The following XKR6 variants were observed in gnomAD, a reference collection of about 807,000 sequenced individuals.
The protein encoded by XKR6 is XK related 6.
In XKR6, 22 loss-of-function variants were observed where a neutral mutation model predicts 56.7. The ratio of observed to expected loss-of-function variants is 0.39; its 90% CI spans 0.28 to 0.55. XKR6 has a LOEUF of 0.55. Ranked by LOEUF, XKR6 falls within the 20% of genes least tolerant of loss-of-function variation. XKR6 has a pLI of 0.66. For synonymous variants in XKR6, 524 were observed against 387.8 expected (o/e 1.35, Z -4.13); for missense variants, 852 against 889.0 (o/e 0.96, Z 0.53).
chr8:10,916,410 A>G (rs1037006833), intron 2 of XKR6, among the ~76,000 whole-genome samples: 1 of 152,214 alleles, frequency 6.6e-6, no homozygotes, highest in Non-Finnish European at 1.5e-5. Flanking sequence ...CTTGATTTAG[A>G]GACGGTGACA....
At chr8:11,195,125 G>A (rs1248037113) in intron 1 of XKR6, 3 of 703,130 alleles carry the variant, frequency 4.3e-6, no homozygotes, top group Non-Finnish European at 7.8e-6. Flanking sequence ...GGATTTTTCA[G>A]ATGGGAGGAG....
chr8:10,960,462 G>C (rs999768159), intron 1 of XKR6, among the ~76,000 whole-genome samples: 11 of 152,222 alleles, frequency 7.2e-5, no homozygotes, highest in Non-Finnish European at 1.5e-5. Flanking sequence ...TAAAGTAAGA[G>C]AGACGGAAGC....
At chr8:10,966,565 A>T (rs1357652865) in intron 1 of XKR6, among the ~76,000 whole-genome samples, 2 of 152,058 alleles carry the variant, frequency 1.3e-5, no homozygotes, top group African/African-American at 4.8e-5. Context: ...TCCCAGCTAC[A>T]CGGGAGGCTG....
intron 2 of XKR6, among the ~76,000 whole-genome samples, chr8:10,921,154 C>T (rs772038345): frequency 3.3e-5 from 5 of 152,268 alleles, no homozygotes; most frequent in Non-Finnish European, 5.9e-5. Flanking sequence ...GAAGCAACAT[C>T]CATTGCCCCT....
At chr8:11,133,866 C>G (rs376589826) in intron 1 of XKR6, among the ~76,000 whole-genome samples, 1 of 152,124 alleles carries the variant, frequency 6.6e-6, no homozygotes, top group African/African-American at 2.4e-5. Context: ...TCGGCTCCTA[C>G]TAAAACCCAG....
At chr8:11,052,704 C>T (rs1007272179) in intron 1 of XKR6, among the ~76,000 whole-genome samples, 1 of 144,760 alleles carries the variant, frequency 6.9e-6, no homozygotes, top group African/African-American at 2.5e-5. Flanking sequence ...TCCTCTCTTC[C>T]CCACCCCCAC....
chr8:11,083,087 G>C (rs796969177), intron 1 of XKR6, among the ~76,000 whole-genome samples: 16 of 152,180 alleles, frequency 1.1e-4, no homozygotes, highest in African/African-American at 3.9e-4. Context: ...TCTGGAACTC[G>C]GGGGCTGCTG....
At chr8:11,191,159 A>G (rs1753599408) in intron 1 of XKR6, among the ~76,000 whole-genome samples, 1 of 152,224 alleles carries the variant, frequency 6.6e-6, no homozygotes, top group African/African-American at 2.4e-5. Flanking sequence ...CCCATTCAAC[A>G]GACCTGATAA....
intron 1 of XKR6, among the ~76,000 whole-genome samples, chr8:11,196,373 C>A (rs374087722): frequency 6.6e-6 from 1 of 152,074 alleles, no homozygotes; most frequent in South Asian, 2.1e-4. Context: ...TTTGAATTTG[C>A]GAATTCTTTC....
chr8:11,173,366 T>TAC (rs528628983), intron 1 of XKR6, among the ~76,000 whole-genome samples: 6,229 of 143,898 alleles, frequency 0.043, 148 homozygotes, highest in Non-Finnish European at 0.053. Flanking sequence ...TATATATATA[T>TAC]ACACACACAC....
Position 11,200,588 on chromosome 8 carries a change from C to G in XKR6, c.752G>C (p.Gly251Ala). ...WQSVIHLLQM[G>A]QVWRYIRTMY... Reference sequence around the variant, plus strand: ...GCAGTGCTCTTACCTCCACACCTGCCCCATCTGCAGCAGGTGGATGACCGA... The same window carrying G: ...GCAGTGCTCTTACCTCCACACCTGCGCCATCTGCAGCAGGTGGATGACCGA... Residue 251 changes from glycine to alanine, a missense_variant, in exon 1 of 3, where the codon GGG becomes GCG. Coordinates refer to ENST00000416569, the MANE Select transcript of XKR6 (RefSeq NM_173683.4). This position sits in a 1 kb window ranked among gnomAD's most constrained non-coding sequence, Gnocchi z 6.4. 6.6e-7 allele frequency: 1 copy of G among 1,517,956 alleles called. No homozygotes were observed. Among genetic ancestry groups the G allele is most frequent in the Non-Finnish European group, 8.7e-7 (1 of 1,147,056 alleles). The allele number at this position is 1,517,956 out of a possible 1,614,324, so 94.0% of individuals were successfully genotyped here.
intron 1 of XKR6, among the ~76,000 whole-genome samples, chr8:11,192,617 T>A (rs779505089): frequency 1.3e-5 from 2 of 151,980 alleles, no homozygotes; most frequent in Non-Finnish European, 2.9e-5. Context: ...TCTGTTTCTT[T>A]AGAAAAAAAA....
intron 1 of XKR6, among the ~76,000 whole-genome samples, chr8:11,067,416 A>G (rs948263179): frequency 6.6e-6 from 1 of 152,214 alleles, no homozygotes; most frequent in Non-Finnish European, 1.5e-5. Context: ...TCAGAGTCCC[A>G]TTTGAACATC....
At chr8:10,959,561 C>T (rs891216955) in intron 1 of XKR6, among the ~76,000 whole-genome samples, 4 of 152,120 alleles carry the variant, frequency 2.6e-5, no homozygotes, top group Non-Finnish European at 5.9e-5. Context: ...TGTGTCCTCA[C>T]GTGGTGGAGA....
chr8:10,954,622 T>A (rs556529907), intron 1 of XKR6, among the ~76,000 whole-genome samples: 99 of 152,340 alleles, frequency 6.5e-4, no homozygotes, highest in Middle Eastern at 3.4e-3. Context: ...TTCACTTTCC[T>A]GATGGTGTCC....
chr8:11,123,986 G>C, intron 1 of XKR6: 1 of 456,152 alleles, frequency 2.2e-6, no homozygotes, highest in South Asian at 1.5e-5. Flanking sequence ...ACTGCCGTGA[G>C]CAGCCTCTCT....
At chr8:11,098,023 A>C (rs11993399) in intron 1 of XKR6, among the ~76,000 whole-genome samples, 21,727 of 151,986 alleles carry the variant, frequency 0.14, 3,083 homozygotes, top group African/African-American at 0.37. Context: ...GCAATTTTGC[A>C]GGGGGGCTCC....
At chr8:11,042,705 T>C (rs1799315735) in intron 1 of XKR6, among the ~76,000 whole-genome samples, 1 of 152,272 alleles carries the variant, frequency 6.6e-6, no homozygotes, top group Non-Finnish European at 1.5e-5. Context: ...GAACATATCC[T>C]TTGAGCATCA....
intron 1 of XKR6, among the ~76,000 whole-genome samples, chr8:11,161,540 C>A (rs1801811366): frequency 6.6e-6 from 1 of 152,224 alleles, no homozygotes; most frequent in East Asian, 1.9e-4. Flanking sequence ...ACAATGCACA[C>A]ATCATCCCCA....
Sources: allele counts gnomAD v4.1 joint callset (sites outside exome capture counted in the v4.1 genomes callset), GRCh38; gene constraint gnomAD v4.1.1; non-coding constraint Gnocchi (gnomAD v3.1); transcripts MANE v1.5; gene names NCBI Gene and HGNC (gene_info 2026-07-23, HGNC 2026-07-21).